Variants in PLCE1 observed in about 807,000 individuals in gnomAD.
PLCE1 encodes the protein phospholipase C epsilon 1, also known as 1-phosphatidylinositol 4,5-bisphosphate phosphodiesterase epsilon-1.
Under a neutral mutation model 242.8 loss-of-function variants are expected in PLCE1, and 119 were observed. The ratio of observed to expected loss-of-function variants is 0.49; its 90% CI spans 0.42 to 0.57. PLCE1 has a LOEUF of 0.57. PLCE1 is among the 20% of genes least tolerant of loss of function. The pLI is 0.00. For synonymous variants in PLCE1, 945 were observed against 1,017.4 expected (o/e 0.93, Z 1.35); for missense variants, 2,441 against 2,788.8 (o/e 0.88, Z 2.81).
At chr10:94,181,469 G>T (rs1026537215) in intron 4 of PLCE1, among the ~76,000 whole-genome samples, 6 of 151,966 alleles carry the variant, frequency 3.9e-5, no homozygotes, top group Non-Finnish European at 8.8e-5. Context: ...CCAGCTACTC[G>T]GGAGGCTGAG....
chr10:94,098,989 T>C (rs550560017), intron 2 of PLCE1, among the ~76,000 whole-genome samples: 2 of 152,298 alleles, frequency 1.3e-5, no homozygotes, highest in Non-Finnish European at 2.9e-5. Context: ...ATCTGGGAAA[T>C]GCAGGCAAAG....
chr10:94,248,143 C>T (rs1318107875), intron 8 of PLCE1, among the ~76,000 whole-genome samples: 1 of 151,754 alleles, frequency 6.6e-6, no homozygotes, highest in Non-Finnish European at 1.5e-5. Context: ...ACATGTAATG[C>T]CCCTTCTTTC....
intron 4 of PLCE1, among the ~76,000 whole-genome samples, chr10:94,178,047 TG>T (rs1195850654): frequency 6.6e-6 from 1 of 152,316 alleles, no homozygotes; most frequent in East Asian, 1.9e-4. Flanking sequence ...ATGATGATTT[TG>T]GGGGTTGGAA....
intron 32 of PLCE1, among the ~76,000 whole-genome samples, chr10:94,326,029 T>C (rs2054003825): frequency 6.6e-6 from 1 of 152,180 alleles, no homozygotes; most frequent in Non-Finnish European, 1.5e-5. Flanking sequence ...AAGCAAATTA[T>C]TTACATGAGA....
At chr10:94,170,677 A>G (rs1264336500) in intron 3 of PLCE1, among the ~76,000 whole-genome samples, 2 of 152,214 alleles carry the variant, frequency 1.3e-5, no homozygotes, top group Admixed American at 1.3e-4. Context: ...AGAGAATACC[A>G]TGACATTTTG....
intron 5 of PLCE1, 83 bp downstream of exon 5, chr10:94,227,534 C>A: frequency 7.9e-7 from 1 of 1,258,118 alleles, no homozygotes; most frequent in Non-Finnish European, 1.2e-6. Flanking sequence ...TCCAGGGACT[C>A]ACCTTTACCC....
At position 94,003,311 on chromosome 10, in the gene PLCE1, C is replaced by T. The variant is rs116492209; in HGVS notation, c.-365+9053C>T. Among the ~76,000 whole-genome samples the T allele has an allele frequency of 4.9e-3, 738 of 152,110 alleles. 4 individuals are homozygous for T. The highest frequency in any genetic ancestry group is 0.017 in the African/African-American group (692 of 41,484). ...ACTTTGAAGAAGTAGTTTTATATTC[C>T]GGGATTTAAGCAAAAGATGAAAGGC... On this transcript the variant is annotated intron_variant, in intron 1 of 32. Transcript: ENST00000371380.
At chr10:94,227,484 A>G (rs1230982373) in intron 5 of PLCE1, 33 bp downstream of exon 5, 1 of 1,600,148 alleles carries the variant, frequency 6.2e-7, no homozygotes, top group Non-Finnish European at 8.6e-7. Flanking sequence ...TTATCTTGGC[A>G]CAATCGCTTC....
intron 4 of PLCE1, among the ~76,000 whole-genome samples, chr10:94,183,433 C>G (rs1156589164): frequency 6.6e-6 from 1 of 152,074 alleles, no homozygotes; most frequent in African/African-American, 2.4e-5. Flanking sequence ...TCAAATATGG[C>G]CAAAATAGAA....
At chr10:94,187,974 C>A (rs752640334) in intron 4 of PLCE1, among the ~76,000 whole-genome samples, 1 of 152,056 alleles carries the variant, frequency 6.6e-6, no homozygotes, top group Admixed American at 6.6e-5. Context: ...CTGCCCTGGT[C>A]CCTAGGTACG....
chr10:94,156,406 G>A (rs1488362605), intron 3 of PLCE1, among the ~76,000 whole-genome samples: 2 of 152,160 alleles, frequency 1.3e-5, no homozygotes, highest in African/African-American at 2.4e-5. Context: ...TCTGAGGTTC[G>A]ATCATTTGCA....
chr10:94,072,981 TTC>T (rs918957489), intron 2 of PLCE1, among the ~76,000 whole-genome samples: 2 of 152,088 alleles, frequency 1.3e-5, no homozygotes, highest in African/African-American at 4.8e-5. Flanking sequence ...CCTCTAGCAT[TTC>T]CAGCTGCAGA....
chr10:94,224,690 A>T (rs2049879312), intron 4 of PLCE1, among the ~76,000 whole-genome samples: 1 of 152,210 alleles, frequency 6.6e-6, no homozygotes, highest in African/African-American at 2.4e-5. Flanking sequence ...CCATTTTAGG[A>T]TAGGGCTCAT....
At chr10:94,000,047 C>T (rs560036254) in intron 1 of PLCE1, among the ~76,000 whole-genome samples, 1 of 152,260 alleles carries the variant, frequency 6.6e-6, no homozygotes, top group East Asian at 1.9e-4. Context: ...TTTGGGGCCT[C>T]TTCAGGGTGA....
chr10:94,063,227 A>G (rs1305130495), intron 2 of PLCE1, among the ~76,000 whole-genome samples: 2 of 152,216 alleles, frequency 1.3e-5, no homozygotes, highest in Non-Finnish European at 2.9e-5. Flanking sequence ...AACTGAAGAC[A>G]TCACATACTC....
chr10:94,091,056 A>AT (rs1238662146), intron 2 of PLCE1, among the ~76,000 whole-genome samples: 2 of 152,030 alleles, frequency 1.3e-5, no homozygotes, highest in Non-Finnish European at 2.9e-5. Flanking sequence ...TATATATATA[A>AT]TTTTTTGTCA....
intron 2 of PLCE1, among the ~76,000 whole-genome samples, chr10:94,101,621 G>T (rs2045539922): frequency 6.6e-6 from 1 of 152,194 alleles, no homozygotes; most frequent in Admixed American, 6.5e-5. Context: ...TGTCCATGGG[G>T]TGAGCTACTC....
chr10:94,188,681 C>T lies in PLCE1; in HGVS notation c.1809+17185C>T, dbSNP rs4917437. On this transcript the variant is annotated intron_variant, in intron 4 of 32. Transcript: ENST00000371380. ...AGCGCAATGGCACAATCTTGGCTCA[C>T]TGCGACCTCCACCTCCTGGGTTCAA... is the stretch of plus-strand genomic sequence containing the variant. 3.3e-3 allele frequency among the ~76,000 whole-genome samples: 500 copies of T among 152,346 alleles called. 13 individuals are homozygous for T. Among genetic ancestry groups the T allele is most frequent in the Admixed American group, 0.029 (441 of 15,310 alleles).
chr10:94,237,311 T>C (rs1409440148), intron 7 of PLCE1, among the ~76,000 whole-genome samples: 1 of 152,202 alleles, frequency 6.6e-6, no homozygotes, highest in Non-Finnish European at 1.5e-5. Flanking sequence ...TGTGTGTATG[T>C]CGTTTGACCT....
Sources: allele counts gnomAD v4.1 joint callset (sites outside exome capture counted in the v4.1 genomes callset), GRCh38; gene constraint gnomAD v4.1.1; transcripts MANE v1.5; gene names NCBI Gene and HGNC (gene_info 2026-07-23, HGNC 2026-07-21).